DDIAS: variants seen among roughly 807,000 people sequenced by gnomAD.
The protein encoded by DDIAS is DNA damage induced apoptosis suppressor.
In DDIAS, 14 loss-of-function variants were observed where a neutral mutation model predicts 15.7. The observed-to-expected ratio is 0.89, with a 90% CI of 0.59 to 1.39. DDIAS has a LOEUF of 1.39. Among genes scored for constraint, DDIAS ranks in the 40% most tolerant of loss-of-function variants. The pLI is 0.00. For synonymous variants in DDIAS, 355 were observed against 395.9 expected (o/e 0.90, Z 1.23); for missense variants, 1,035 against 1,130.9 (o/e 0.92, Z 1.22).
intron 4 of DDIAS, 28 bp from the exon 5 acceptor site, chr11:82,930,129 C>T (rs1235038304): frequency 1.5e-6 from 2 of 1,347,482 alleles, no homozygotes. Context: ...TTCATTGCTT[C>T]ACATTTTTTA....
chr11:82,922,389 G>A (rs961512181), intron 3 of DDIAS, among the ~76,000 whole-genome samples: 7 of 152,114 alleles, frequency 4.6e-5, no homozygotes, highest in Non-Finnish European at 8.8e-5. Context: ...AGACTTTTTG[G>A]ATGCTTGGTT....
intron 5 of DDIAS, among the ~76,000 whole-genome samples, chr11:82,930,746 TA>T (rs551775609): frequency 5.8e-5 from 8 of 136,946 alleles, no homozygotes; most frequent in Non-Finnish European, 6.4e-5. Flanking sequence ...TAGAAGAAGT[TA>T]AAAAAAAAAG....
At position 82,932,756 on chromosome 11, in the gene DDIAS, A is replaced by G; in HGVS notation, c.1418A>G (p.His473Arg). 1 of 1,614,098 alleles carries G rather than the reference A, an allele frequency of 6.2e-7. No homozygotes were observed. Among genetic ancestry groups the G allele is most frequent in the Non-Finnish European group, 8.5e-7 (1 of 1,180,030 alleles). Residue 473 changes from histidine (H) to arginine (R), a missense_variant, in exon 6 of 6, where the codon CAT becomes CGT. By Grantham distance (29) the His-to-Arg change is conservative. Transcript: ENST00000533655. ...VTPQRTTGALHTPPIALRSSQ... is the reference protein window; with the variant it reads ...VTPQRTTGALRTPPIALRSSQ... ...CCCCAGAGAACTACTGGAGCCCTGC[A>G]TACACCACCTATAGCTTTAAGATCA...
rs748094704 is a variant in DDIAS, at chr11:82,932,066, T to C, written c.728T>C (p.Leu243Pro). 2 of 1,614,120 alleles carry C rather than the reference T, an allele frequency of 1.2e-6. No homozygotes were observed. Among genetic ancestry groups the C allele is most frequent in the South Asian group, 2.2e-5 (2 of 91,076 alleles). The change falls in exon 6 of 6, where the codon CTT (leucine) becomes CCT (proline). Residue 243 changes from leucine to proline, a missense_variant. Physicochemically the swap from Leu to Pro is moderately conservative, Grantham distance 98. Transcript: ENST00000533655. The stretch of plus-strand genomic sequence containing the variant: ...TTTTCAAAATTCTGGCAGCCATCAC[T>C]TGAATTCACTTGCATTGTTTCACAA... ...DTFSKFWQPS[L>P]EFTCIVSQLT...
At chr11:82,910,299 G>A (rs975662626) in intron 1 of DDIAS, among the ~76,000 whole-genome samples, 3 of 56,498 alleles carry the variant, frequency 5.3e-5, no homozygotes, top group Non-Finnish European at 7.4e-5. Flanking sequence ...TTTTTTTTTT[G>A]AGACAGAGTT....
At position 82,932,890 on chromosome 11, in the gene DDIAS, G is replaced by C. The variant is rs144489743; in HGVS notation, c.1552G>C (p.Glu518Gln). 2.0e-4 allele frequency: 330 copies of C among 1,613,116 alleles called. No individual in the cohort carries two copies. Among genetic ancestry groups the C allele is most frequent in the Non-Finnish European group, 2.7e-4 (314 of 1,179,650 alleles). ...GGAGTCACAACCAGATAACAAAGTA[G>C]AGGCTGTCTCTGTAAATCATAATGG... The part of the protein sequence containing the change: ...EKESQPDNKV[E>Q]AVSVNHNGRD... Residue 518 changes from glutamate (E) to glutamine (Q), a missense_variant, in exon 6 of 6, where the codon GAG (glutamate) becomes CAG (glutamine). Physicochemically the swap from Glu to Gln is conservative, Grantham distance 29. Coordinates refer to ENST00000533655, the MANE Select transcript of DDIAS (RefSeq NM_145018.4).
rs1382945156 is a variant in DDIAS at position 82,933,689 on chromosome 11, G to A, written c.2351G>A (p.Arg784Lys). ...CCAATTTCAGGGTTCCACCAAACAA[G>A]AATTCATGGGATAAACAGAGCTTTC... is the stretch of plus-strand genomic sequence containing the variant. ...STPISGFHQT[R>K]IHGINRAFKK... The change falls in exon 6 of 6, where the codon AGA becomes AAA. Residue 784 changes from arginine to lysine, a missense_variant. By Grantham distance (26) the Arg-to-Lys change is conservative (BLOSUM62 2). Coordinates refer to ENST00000533655, the MANE Select transcript of DDIAS (RefSeq NM_145018.4). 1.2e-6 allele frequency: 2 copies of A among 1,613,982 alleles called. No individual in the cohort carries two copies. The highest frequency in any genetic ancestry group is 1.3e-5 in the African/African-American group (1 of 75,002).
chr11:82,902,351 T>G (rs989751300), intron 1 of DDIAS, among the ~76,000 whole-genome samples: 1 of 152,132 alleles, frequency 6.6e-6, no homozygotes, highest in African/African-American at 2.4e-5. Flanking sequence ...TTATTTTGGT[T>G]CGACCCTATG....
Position 82,934,022 on chromosome 11 carries a change from C to T in DDIAS, c.2684C>T (p.Pro895Leu), listed in dbSNP as rs766352183. 4 of 1,613,772 alleles carry T rather than the reference C, an allele frequency of 2.5e-6. No individual in the cohort carries two copies. The South Asian group carries it at 3.3e-5, about 13-fold the overall frequency. Reference protein sequence around the residue: ...LGKCLAAYHFPDQQELPRKKL... With the variant: ...LGKCLAAYHFLDQQELPRKKL... ...AAATGCCTTGCTGCCTATCATTTCC[C>T]TGATCAACAAGAGTTACCAAGAAAG... is the stretch of plus-strand genomic sequence containing the variant. Residue 895 changes from proline to leucine, a missense_variant, in exon 6 of 6, where the codon CCT (proline) becomes CTT (leucine). Physicochemically the swap from Pro to Leu is moderately conservative, Grantham distance 98. Coordinates refer to ENST00000533655, the MANE Select transcript of DDIAS (RefSeq NM_145018.4).
Position 82,934,434 on chromosome 11 carries a change from A to G in DDIAS, c.*99A>G. ...TTCTTTACATTTTGAACACTTGGAG[A>G]GAAGCAAATTGAAAACAGGACTCTG... is the stretch of plus-strand genomic sequence containing the variant. On this transcript the variant is annotated 3_prime_UTR_variant, in exon 6 of 6. Transcript: ENST00000533655. 1.6e-6 allele frequency: 2 copies of G among 1,267,892 alleles called. No individual in the cohort carries two copies. The highest frequency in any genetic ancestry group is 4.8e-5 in the East Asian group (2 of 41,670). The allele number at this position is 1,267,892 out of a possible 1,614,324, so 78.5% of individuals were successfully genotyped here. A position where few individuals can be genotyped will look rare whatever the true frequency, so the allele number is the denominator to read the frequency against.
chr11:82,914,831 G>T lies in DDIAS; in HGVS notation c.93G>T (p.Arg31Ser), dbSNP rs1226936666. The part of the protein sequence containing the change: ...IYPSCQKCFS[R>S]IILVSKRSNC... ...CATCATGTCAGAAGTGCTTCTCTAGGATAATCCTGGTCTCCAAAAGGTAAA... is the reference window on the plus strand; with the variant it reads ...CATCATGTCAGAAGTGCTTCTCTAGTATAATCCTGGTCTCCAAAAGGTAAA... The change falls in exon 3 of 6, where the codon AGG (arginine) becomes AGT (serine). Residue 31 changes from arginine to serine, a missense_variant. Physicochemically the swap from Arg to Ser is moderately radical, Grantham distance 110. Transcript: ENST00000533655. 6.3e-7 allele frequency: 1 copy of T among 1,588,744 alleles called. No individual in the cohort carries two copies. The highest frequency in any genetic ancestry group is 1.1e-5 in the South Asian group (1 of 90,198).
At chr11:82,918,182 G>A (rs565180748) in intron 3 of DDIAS, among the ~76,000 whole-genome samples, 23 of 152,134 alleles carry the variant, frequency 1.5e-4, no homozygotes, top group Non-Finnish European at 2.4e-4. Flanking sequence ...TTTTGGGTAC[G>A]CCAATGTCTA....
At chr11:82,906,215 T>C (rs769509857) in intron 1 of DDIAS, among the ~76,000 whole-genome samples, 15 of 152,184 alleles carry the variant, frequency 9.9e-5, no homozygotes, top group Non-Finnish European at 1.6e-4. Flanking sequence ...TCTATTATTG[T>C]CCAACAGACA....
At chr11:82,916,099 T>C (rs1860628046) in intron 3 of DDIAS, among the ~76,000 whole-genome samples, 1 of 152,200 alleles carries the variant, frequency 6.6e-6, no homozygotes, top group Admixed American at 6.5e-5. Context: ...CAACAGAGTT[T>C]CATGTAGGCT....
At chr11:82,901,884 A>G (rs1202689286) in intron 1 of DDIAS, 62 bp downstream of exon 1, 1 of 152,218 alleles carries the variant, frequency 6.6e-6, no homozygotes, top group Non-Finnish European at 1.5e-5. Context: ...GGAGGCTCTT[A>G]ACTTCATTAT....
chr11:82,918,511 C>A (rs756967356), intron 3 of DDIAS, among the ~76,000 whole-genome samples: 1 of 152,140 alleles, frequency 6.6e-6, no homozygotes, highest in Admixed American at 6.5e-5. Context: ...TCAGGTAATG[C>A]GATGCCTCCA....
intron 3 of DDIAS, chr11:82,922,559 G>A (rs925854345): frequency 6.6e-6 from 1 of 152,148 alleles, no homozygotes; most frequent in African/African-American, 2.4e-5. Context: ...GTTTCCTGAA[G>A]TTTTGATTGT....
At chr11:82,913,138 G>A (rs1047567649) in intron 1 of DDIAS, 149 bp from the exon 2 acceptor site, 1 of 152,158 alleles carries the variant, frequency 6.6e-6, no homozygotes, top group Non-Finnish European at 1.5e-5. Context: ...CACTGAAAAA[G>A]TGGACTTGCT....
At chr11:82,909,757 T>C (rs1860490733) in intron 1 of DDIAS, among the ~76,000 whole-genome samples, 1 of 152,198 alleles carries the variant, frequency 6.6e-6, no homozygotes, top group Admixed American at 6.5e-5. Context: ...ATAATCGGCT[T>C]TGGCAGAACC....
Sources: allele counts gnomAD v4.1 joint callset (sites outside exome capture counted in the v4.1 genomes callset), GRCh38; gene constraint gnomAD v4.1.1; transcripts MANE v1.5; gene names NCBI Gene and HGNC (gene_info 2026-07-23, HGNC 2026-07-21).